The following FLI1 variants were observed in gnomAD, a reference collection of about 807,000 sequenced individuals.
FLI1 encodes the protein Fli-1 proto-oncogene, ETS transcription factor.
A neutral mutation model predicts 53.1 loss-of-function variants in FLI1; 13 were observed. The ratio of observed to expected loss-of-function variants is 0.24; its 90% confidence interval spans 0.16 to 0.39. FLI1 has a LOEUF of 0.39. Among genes scored for constraint, FLI1 ranks in the 10% least tolerant of loss-of-function variants. The probability of loss-of-function intolerance (pLI) is 1.00; values close to 1 mark genes in which losing one functional copy is unlikely to be tolerated. For synonymous variants in FLI1, 244 were observed against 236.7 expected, an observed-to-expected ratio of 1.03 and a Z score of -0.28; for missense variants, 424 against 600.5, an observed-to-expected ratio of 0.71 and a Z score of 3.07.
chr11:128,753,209 C>T (rs1036647546), intron 1 of FLI1, among the ~76,000 whole-genome samples: 6 of 152,302 alleles, frequency 3.9e-5, no homozygotes, highest in Middle Eastern at 6.8e-3. Flanking sequence ...ATGACTAAGC[C>T]AGCCCAGGGG....
chr11:128,792,057 A>G (rs1417966454), intron 5 of FLI1, among the ~76,000 whole-genome samples: 1 of 152,172 alleles, frequency 6.6e-6, no homozygotes, highest in East Asian at 1.9e-4. Flanking sequence ...GTGCCAAGAA[A>G]TTTCCTATTC....
At chr11:128,772,065 CACACACACACACAT>C (rs1369842532) in intron 3 of FLI1, among the ~76,000 whole-genome samples, 35 of 135,746 alleles carry the variant, frequency 2.6e-4, no homozygotes, top group African/African-American at 8.7e-4. Flanking sequence ...CACACACACA[CACACACACACACAT>C]ACACACACTG....
At chr11:128,712,602 G>C (rs1938830654) in intron 1 of FLI1, among the ~76,000 whole-genome samples, 1 of 152,180 alleles carries the variant, frequency 6.6e-6, no homozygotes, top group South Asian at 2.1e-4. Flanking sequence ...GGAGGAGAAA[G>C]TCACACCTTA....
At chr11:128,697,509 A>G (rs540951297) in intron 1 of FLI1, among the ~76,000 whole-genome samples, 140 of 151,566 alleles carry the variant, frequency 9.2e-4, no homozygotes, top group African/African-American at 3.0e-3. Context: ...AAAGTCTGCT[A>G]CCTTAGCTGG....
At chr11:128,794,217 T>C (rs1344401720) in intron 5 of FLI1, among the ~76,000 whole-genome samples, 1 of 152,168 alleles carries the variant, frequency 6.6e-6, no homozygotes. Flanking sequence ...AAGTTAAAAG[T>C]GATCCCCGTT....
At chr11:128,706,413 G>C (rs988511141) in intron 1 of FLI1, among the ~76,000 whole-genome samples, 11 of 152,098 alleles carry the variant, frequency 7.2e-5, no homozygotes, top group African/African-American at 2.7e-4. Flanking sequence ...GGGTAACAAG[G>C]GAGCACTGTT....
chr11:128,794,711 G>A (rs1942378160), intron 5 of FLI1, among the ~76,000 whole-genome samples: 1 of 152,194 alleles, frequency 6.6e-6, no homozygotes, highest in African/African-American at 2.4e-5. Context: ...GAGGAAATAT[G>A]GAGGCTAGAA....
At chr11:128,686,633 T>C (rs1347425424) in exon 1 of FLI1, 1 of 371,254 alleles carries the variant, frequency 2.7e-6, no homozygotes, top group African/African-American at 2.1e-5. Flanking sequence ...AGGCTGGTTC[T>C]TGGGCGTTCC....
chr11:128,725,627 C>G (rs1341349591), intron 1 of FLI1, among the ~76,000 whole-genome samples: 1 of 148,266 alleles, frequency 6.7e-6, no homozygotes. Flanking sequence ...ATCTCATCAT[C>G]CTTTCTTTCA....
chr11:128,753,699 C>A (rs1940744411), intron 1 of FLI1, among the ~76,000 whole-genome samples: 1 of 152,230 alleles, frequency 6.6e-6, no homozygotes, highest in Non-Finnish European at 1.5e-5. Flanking sequence ...TCATGTGTAA[C>A]AAGCTGCAAA....
chr11:128,757,968 C>A, intron 1 of FLI1, 147 bp from the exon 2 acceptor site: 1 of 672,374 alleles, frequency 1.5e-6, no homozygotes, highest in East Asian at 2.7e-5. Context: ...AAGGGCAAAC[C>A]TGCCCCCTGG....
chr11:128,787,652 C>T (rs539388072), intron 5 of FLI1, among the ~76,000 whole-genome samples: 1 of 152,216 alleles, frequency 6.6e-6, no homozygotes, highest in East Asian at 1.9e-4. Context: ...TGTAGTGCCC[C>T]TTCAGGGATA....
intron 1 of FLI1, among the ~76,000 whole-genome samples, chr11:128,724,990 G>A (rs540625295): frequency 5.3e-5 from 8 of 152,314 alleles, no homozygotes; most frequent in African/African-American, 9.6e-5. Context: ...GGCTGACAGC[G>A]TGGCCTCTTG....
At chr11:128,750,917 G>A (rs560017106) in intron 1 of FLI1, among the ~76,000 whole-genome samples, 1 of 152,316 alleles carries the variant, frequency 6.6e-6, no homozygotes, top group South Asian at 2.1e-4. Context: ...AGTATGTGGT[G>A]TACGAACAAC....
chr11:128,803,294 C>T (rs1942686741), intron 5 of FLI1, among the ~76,000 whole-genome samples: 1 of 152,172 alleles, frequency 6.6e-6, no homozygotes, highest in Admixed American at 6.5e-5. Context: ...AGCGCAAAAC[C>T]TCCCTTAGTT....
At chr11:128,807,505 G>A (rs1400634392) in intron 7 of FLI1, among the ~76,000 whole-genome samples, 2 of 152,142 alleles carry the variant, frequency 1.3e-5, no homozygotes, top group African/African-American at 2.4e-5. Context: ...ACTGAGGCCC[G>A]GGGAGGTGAA....
chr11:128,714,205 G>GAAA (rs11301098), intron 1 of FLI1, among the ~76,000 whole-genome samples: 11 of 97,450 alleles, frequency 1.1e-4, no homozygotes, highest in Admixed American at 1.0e-4. Context: ...TCACTGGCCA[G>GAAA]AAAAAAAAAA....
intron 6 of FLI1, chr11:128,805,784 T>C (rs184802752): frequency 5.3e-4 from 109 of 205,610 alleles, no homozygotes; most frequent in African/African-American, 2.0e-3. Context: ...CTCCCGTAAC[T>C]GTTGAGGCTA....
intron 5 of FLI1, among the ~76,000 whole-genome samples, chr11:128,803,153 T>C (rs974352018): frequency 4.6e-5 from 7 of 152,204 alleles, no homozygotes; most frequent in Admixed American, 1.3e-4. Context: ...ATTTTTTGTT[T>C]GAATGTGTTA....
Sources: gnomAD v4.1 joint callset for allele counts (sites outside exome capture counted in the v4.1 genomes callset) on GRCh38, gnomAD v4.1.1 for gene constraint, MANE v1.5 for transcripts, NCBI Gene and HGNC (gene_info 2026-07-23, HGNC 2026-07-21) for gene names.